TOM1L1: variants seen among roughly 807,000 people sequenced by gnomAD.
The protein encoded by TOM1L1 is TOM1-like protein 1.
Under a neutral mutation model 63.4 loss-of-function variants are expected in TOM1L1, and 64 were observed. The ratio of observed to expected loss-of-function variants is 1.01; its 90% confidence interval spans 0.83 to 1.24. TOM1L1 has a LOEUF of 1.24. Ranked by LOEUF, TOM1L1 falls within the 50% of genes most tolerant of loss-of-function variation. The probability of loss-of-function intolerance (pLI) is 0.00; values close to 1 mark genes in which losing one functional copy is unlikely to be tolerated. For synonymous variants in TOM1L1, 166 were observed against 194.4 expected (o/e 0.85, Z 1.22); for missense variants, 536 against 567.0 (o/e 0.95, Z 0.55).
At chr17:54,922,353 T>G (rs2048698894) in intron 7 of TOM1L1, among the ~76,000 whole-genome samples, 1 of 152,020 alleles carries the variant, frequency 6.6e-6, no homozygotes, top group Non-Finnish European at 1.5e-5. Flanking sequence ...ACACCTGTAA[T>G]CCTAGCACTC....
chr17:54,932,822 T>C (rs569497948), intron 8 of TOM1L1, among the ~76,000 whole-genome samples: 18 of 152,352 alleles, frequency 1.2e-4, no homozygotes, highest in Non-Finnish European at 2.2e-4. Context: ...GAAAACCACA[T>C]TGTTTTCAGT....
At chr17:54,912,346 C>T (rs1179952162) in intron 3 of TOM1L1, among the ~76,000 whole-genome samples, 1 of 152,146 alleles carries the variant, frequency 6.6e-6, no homozygotes, top group Non-Finnish European at 1.5e-5. Flanking sequence ...TAAACTGGGA[C>T]AGATATTATT....
intron 10 of TOM1L1, 99 bp from the exon 11 acceptor site, chr17:54,938,822 TTTC>T: frequency 1.6e-6 from 1 of 628,218 alleles, no homozygotes; most frequent in Non-Finnish European, 2.6e-6. Context: ...TTCTTTTTTT[TTTC>T]TTTTTCTTTT....
At chr17:54,923,992 A>G (rs892899997) in intron 7 of TOM1L1, among the ~76,000 whole-genome samples, 1 of 152,108 alleles carries the variant, frequency 6.6e-6, no homozygotes, top group Non-Finnish European at 1.5e-5. Context: ...CAAAAAATAA[A>G]ATAAAATAAA....
chr17:54,951,838 C>G (rs576336966), intron 14 of TOM1L1: 2 of 152,148 alleles, frequency 1.3e-5, no homozygotes, highest in South Asian at 2.1e-4. Flanking sequence ...TGTTACCACC[C>G]AAAAAACCCA....
intron 11 of TOM1L1, among the ~76,000 whole-genome samples, chr17:54,946,474 G>A (rs1391601141): frequency 6.6e-6 from 1 of 152,184 alleles, no homozygotes; most frequent in Non-Finnish European, 1.5e-5. Flanking sequence ...AGCTCCTATT[G>A]AAGAGGAAGA....
At chr17:54,913,603 T>A (rs1329425348) in intron 4 of TOM1L1, 145 bp from the exon 5 acceptor site, 2 of 814,688 alleles carry the variant, frequency 2.5e-6, no homozygotes, top group Non-Finnish European at 3.4e-6. Context: ...GAGGCGGAGA[T>A]TGCAATGAGC....
At chr17:54,908,838 A>C (rs958973819) in intron 3 of TOM1L1, among the ~76,000 whole-genome samples, 4 of 152,224 alleles carry the variant, frequency 2.6e-5, no homozygotes, top group Non-Finnish European at 5.9e-5. Context: ...TCAATTAGTT[A>C]ATAGGCCTTT....
intron 8 of TOM1L1, among the ~76,000 whole-genome samples, chr17:54,931,238 C>A (rs1426118094): frequency 6.6e-6 from 1 of 152,194 alleles, no homozygotes; most frequent in East Asian, 1.9e-4. Flanking sequence ...AGTTGCATAA[C>A]TTTTCTAAGA....
Position 54,947,196 on chromosome 17 carries a change from A to G in TOM1L1, c.1131-65A>G, listed in dbSNP as rs2049133998. ...GTTTTGTTTTTAGACTAGGAAAATTATCTTACTTTTTGCATTTGTGTTCTC... is the reference window on the plus strand; with the variant it reads ...GTTTTGTTTTTAGACTAGGAAAATTGTCTTACTTTTTGCATTTGTGTTCTC... On this transcript the variant is annotated intron_variant, in intron 11 of 15. Coordinates refer to ENST00000575882, the MANE Select transcript of TOM1L1 (RefSeq NM_005486.3). 37 of 1,514,156 alleles carry G rather than the reference A, an allele frequency of 2.4e-5. 1 individual carries two copies. The South Asian group carries it at 4.2e-4, about 17-fold the overall frequency. The allele number at this position is 1,514,156 out of a possible 1,614,324, so 93.8% of individuals were successfully genotyped here.
Position 54,950,082 on chromosome 17 carries a change from C to T in TOM1L1, c.1326C>T (p.Tyr442=), listed in dbSNP as rs752604183. The part of the protein sequence containing the change: ...TKSDLQPPNY[Y]EVMEFDPLAP... The stretch of plus-strand genomic sequence containing the variant: ...GTGATCTCCAGCCACCTAATTACTA[C>T]GAGGTAATGGAGTTTGATCCCTTAG... The change falls in exon 14 of 16, where the codon TAC becomes TAT. Residue 442 remains tyrosine, a synonymous_variant. Coordinates refer to ENST00000575882, the MANE Select transcript of TOM1L1 (RefSeq NM_005486.3). The T allele has an allele frequency of 1.6e-5, 26 of 1,613,770 alleles. No individual in the cohort carries two copies. The highest frequency in any genetic ancestry group is 6.6e-5 in the South Asian group (6 of 91,056).
Position 54,931,949 on chromosome 17 carries a change from G to GTTTTTTTTTTTTTTTTTT in TOM1L1, c.854+1753_854+1754insTTTTTTTTTTTTTTTTTT, listed in dbSNP as rs10632110. Among the ~76,000 whole-genome samples, 7 of 121,534 alleles carry GTTTTTTTTTTTTTTTTTT rather than the reference G, an allele frequency of 5.8e-5. 1 individual carries two copies. The highest frequency in any genetic ancestry group is 2.3e-4 in the African/African-American group (7 of 30,950). 79.7% of individuals were successfully genotyped at this position (121,534 alleles called of 152,430 possible). On this transcript the variant is annotated intron_variant, in intron 8 of 15. Coordinates refer to ENST00000575882, the MANE Select transcript of TOM1L1 (RefSeq NM_005486.3). ...CTTTCTTTCTTTTTCTTTTTTCTTCGTTTTTTTTTTGTTTGTTTGTTTGTT... is the reference window on the plus strand; with the variant it reads ...CTTTCTTTCTTTTTCTTTTTTCTTCGTTTTTTTTTTTTTTTTTTTTTTTTTTTTGTTTGTTTGTTTGTT...
At position 54,960,591 on chromosome 17, in the gene TOM1L1, C is replaced by A; in HGVS notation, c.1396C>A (p.His466Asn). ...TEAIYEEIDAHQHKGAQNDGD is the reference protein window; with the variant it reads ...TEAIYEEIDANQHKGAQNDGD ...AGCTATTTATGAAGAAATTGATGCT[C>A]ACCAGCACAAAGGAGCTCAAAATGA... The change falls in exon 15 of 16, where the codon CAC (histidine) becomes AAC (asparagine). Residue 466 changes from histidine (H) to asparagine (N), a missense_variant. By Grantham distance (68) the His-to-Asn change is moderately conservative. Transcript: ENST00000575882. 6.2e-7 allele frequency: 1 copy of A among 1,613,180 alleles called. No homozygotes were observed. The highest frequency in any genetic ancestry group is 2.2e-5 in the East Asian group (1 of 44,842).
At chr17:54,919,276 G>C (rs947629434) in intron 7 of TOM1L1, among the ~76,000 whole-genome samples, 1 of 152,100 alleles carries the variant, frequency 6.6e-6, no homozygotes, top group South Asian at 2.1e-4. Flanking sequence ...AAAGTAAACG[G>C]ATATGTGGCA....
At chr17:54,908,800 G>T (rs949470797) in intron 3 of TOM1L1, among the ~76,000 whole-genome samples, 2 of 152,184 alleles carry the variant, frequency 1.3e-5, no homozygotes, top group Non-Finnish European at 2.9e-5. Flanking sequence ...ATTGTCAAAT[G>T]GAAAGTGGTC....
Position 54,903,798 on chromosome 17 carries a change from T to C in TOM1L1, c.143+6T>C, listed in dbSNP as rs2048365615. 1 of 1,610,616 alleles carries C rather than the reference T, an allele frequency of 6.2e-7. No individual in the cohort carries two copies. On this transcript the variant is annotated splice_donor_region_variant and intron_variant, in intron 2 of 15. Transcript: ENST00000575882. ...ATTAACACTACCCAGGATGGGTGAGTACAGCATGGTTTCCATGTATTTGCC... is the reference window on the plus strand; with the variant it reads ...ATTAACACTACCCAGGATGGGTGAGCACAGCATGGTTTCCATGTATTTGCC...
chr17:54,960,358 C>T (rs550801788), intron 14 of TOM1L1, among the ~76,000 whole-genome samples: 2 of 152,010 alleles, frequency 1.3e-5, no homozygotes, highest in Non-Finnish European at 2.9e-5. Flanking sequence ...GAGTGAGACT[C>T]TGTCTCAAAA....
At chr17:54,911,185 G>GTA (rs1377044399) in intron 3 of TOM1L1, among the ~76,000 whole-genome samples, 2 of 152,156 alleles carry the variant, frequency 1.3e-5, no homozygotes, top group African/African-American at 4.8e-5. Flanking sequence ...CTTCTTAACT[G>GTA]TATAACACCC....
intron 12 of TOM1L1, among the ~76,000 whole-genome samples, chr17:54,948,580 A>G (rs1362905269): frequency 6.6e-6 from 1 of 152,090 alleles, no homozygotes; most frequent in Non-Finnish European, 1.5e-5. Context: ...GACCTATTAG[A>G]GCAGTATTCC....
Sources: gnomAD v4.1 joint callset for allele counts (sites outside exome capture counted in the v4.1 genomes callset) on GRCh38, gnomAD v4.1.1 for gene constraint, MANE v1.5 for transcripts, NCBI Gene and HGNC (gene_info 2026-07-23, HGNC 2026-07-21) for gene names.